The following KRTAP6-2 variants were observed in gnomAD, a reference collection of about 807,000 sequenced individuals.
KRTAP6-2 encodes keratin associated protein 6-2, also known as keratin-associated protein 6-2.
In KRTAP6-2, 1 loss-of-function variant was observed where a neutral mutation model predicts 0.4. The observed-to-expected ratio is 2.37, with a 90% CI of 0.84 to 11.25. KRTAP6-2 has a LOEUF of 11.25. Ranked by LOEUF, KRTAP6-2 falls within the 30% of genes most tolerant of loss-of-function variation. The pLI is 0.12. For synonymous variants in KRTAP6-2, 39 were observed against 34.2 expected (o/e 1.14, Z -0.49); for missense variants, 87 against 82.0 (o/e 1.06, Z -0.23).
At chr21:30,598,789 C>G in exon 1 of KRTAP6-2, 1 of 1,612,244 alleles carries the variant, frequency 6.2e-7, no homozygotes, top group Non-Finnish European at 8.5e-7. Flanking sequence ...ACAGCGCAGG[C>G]TTCCATAGCC....
chr21:30,598,634 A>G (rs1467737075), exon 1 of KRTAP6-2: 1 of 1,566,950 alleles, frequency 6.4e-7, no homozygotes, highest in East Asian at 2.3e-5. Flanking sequence ...CGGGGTTCAG[A>G]ATTGGTGAAT....
exon 1 of KRTAP6-2, chr21:30,598,728 G>A: frequency 6.2e-7 from 1 of 1,610,202 alleles, no homozygotes; most frequent in East Asian, 2.2e-5. Context: ...CACAGCCACA[G>A]AAGAAGCGGG....
exon 1 of KRTAP6-2, chr21:30,598,832 A>G (rs1980253389): frequency 6.2e-7 from 1 of 1,613,846 alleles, no homozygotes; most frequent in African/African-American, 1.3e-5. Context: ...CAGCACCCAT[A>G]GCCATGGTCG....
exon 1 of KRTAP6-2, chr21:30,598,844 C>G: frequency 1.2e-6 from 2 of 1,613,966 alleles, no homozygotes; most frequent in Non-Finnish European, 1.7e-6. Context: ...CCATGGTCGC[C>G]GTAGTAGTTT....
the KRTAP6-2 span, chr21:30,598,692 G>C: frequency 6.2e-7 from 1 of 1,613,584 alleles, no homozygotes; most frequent in African/African-American, 1.3e-5. Flanking sequence ...GTCCTCAATA[G>C]TAGTAGCCAG....
exon 1 of KRTAP6-2, chr21:30,598,711 C>A: frequency 6.2e-7 from 1 of 1,612,898 alleles, no homozygotes; most frequent in Non-Finnish European, 8.5e-7. Flanking sequence ...AGAGCCGCAT[C>A]CATAGCCACA....
At chr21:30,598,678 C>A (rs1005241273) in exon 1 of KRTAP6-2, 4 of 1,609,368 alleles carry the variant, frequency 2.5e-6, no homozygotes, top group Non-Finnish European at 3.4e-6. Flanking sequence ...GAGTCTCCCA[C>A]GGTGTCCTCA....
exon 1 of KRTAP6-2, chr21:30,598,787 G>A (rs755042531): frequency 6.2e-7 from 1 of 1,611,648 alleles, no homozygotes; most frequent in East Asian, 2.2e-5. Flanking sequence ...CCACAGCGCA[G>A]GCTTCCATAG....
chr21:30,598,659 A>G (rs368791467), exon 1 of KRTAP6-2: 53 of 1,599,966 alleles, frequency 3.3e-5, no homozygotes, highest in South Asian at 2.2e-4. Context: ...ATGTCACAGG[A>G]TAGAGGATGA....
At chr21:30,598,783 C>CA in the KRTAP6-2 span, 8 of 1,610,552 alleles carry the variant, frequency 5.0e-6, no homozygotes, top group African/African-American at 4.0e-5. Context: ...ATAGCCACAG[C>CA]GCAGGCTTCC....
chr21:30,598,869 G>T, the KRTAP6-2 span: 16 of 1,613,340 alleles, frequency 9.9e-6, no homozygotes, highest in Non-Finnish European at 1.4e-5. Context: ...AGTAGCTGCC[G>T]CACATCGTGA....
exon 1 of KRTAP6-2, chr21:30,598,827 C>T (rs778133110): frequency 1.2e-6 from 2 of 1,613,910 alleles, no homozygotes; most frequent in East Asian, 4.5e-5. Context: ...ATCCACAGCA[C>T]CCATAGCCAT....
At chr21:30,598,831 T>C in exon 1 of KRTAP6-2, 1 of 1,613,974 alleles carries the variant, frequency 6.2e-7, no homozygotes, top group Non-Finnish European at 8.5e-7. Flanking sequence ...ACAGCACCCA[T>C]AGCCATGGTC....
exon 1 of KRTAP6-2, chr21:30,598,808 G>C: frequency 6.2e-7 from 1 of 1,613,768 alleles, no homozygotes; most frequent in South Asian, 1.1e-5. Flanking sequence ...CCATAGCCTA[G>C]GCCTTCGTAT....
exon 1 of KRTAP6-2, chr21:30,598,674 C>G (rs1205941415): frequency 1.9e-6 from 3 of 1,608,864 alleles, no homozygotes; most frequent in Non-Finnish European, 2.6e-6. Flanking sequence ...GGATGAGTCT[C>G]CCACGGTGTC....
At chr21:30,598,605 GC>G (rs1225767974) in exon 1 of KRTAP6-2, 1 of 1,469,076 alleles carries the variant, frequency 6.8e-7, no homozygotes, top group Non-Finnish European at 9.1e-7. Context: ...TCTTCATCCA[GC>G]CCCGAGCTCA....
exon 1 of KRTAP6-2, chr21:30,598,870 C>T (rs1291103328): frequency 1.9e-6 from 3 of 1,613,594 alleles, no homozygotes; most frequent in South Asian, 1.1e-5. Context: ...GTAGCTGCCG[C>T]ACATCGTGAT....
chr21:30,598,798 C>A, exon 1 of KRTAP6-2: 6 of 1,613,442 alleles, frequency 3.7e-6, no homozygotes, highest in Non-Finnish European at 5.1e-6. Flanking sequence ...GCTTCCATAG[C>A]CATAGCCTAG....
At chr21:30,598,692 G>T in the KRTAP6-2 span, 1 of 1,613,584 alleles carries the variant, frequency 6.2e-7, no homozygotes, top group Non-Finnish European at 8.5e-7. Flanking sequence ...GTCCTCAATA[G>T]TAGTAGCCAG....
Sources: allele counts gnomAD v4.1 joint callset, GRCh38; gene constraint gnomAD v4.1.1; transcripts MANE v1.5; gene names NCBI Gene and HGNC (gene_info 2026-07-23, HGNC 2026-07-21).